KCNAB2: variants seen among roughly 807,000 people sequenced by gnomAD.
KCNAB2 encodes potassium voltage-gated channel subfamily A regulatory beta subunit 2.
A neutral mutation model predicts 63.6 loss-of-function variants in KCNAB2; 29 were observed. That is an observed-to-expected ratio of 0.46 (90% CI 0.34 to 0.62). The LOEUF (loss-of-function observed/expected upper bound fraction) is 0.62. KCNAB2 is among the 20% of genes least tolerant of loss of function. The pLI is 0.01. For synonymous variants in KCNAB2, 222 were observed against 224.2 expected, an observed-to-expected ratio of 0.99 and a Z score of 0.09; for missense variants, 359 against 563.9, an observed-to-expected ratio of 0.64 and a Z score of 3.68.
At chr1:6,079,842 A>G (rs1336349863) in intron 4 of KCNAB2, among the ~76,000 whole-genome samples, 2 of 152,214 alleles carry the variant, frequency 1.3e-5, no homozygotes, top group Non-Finnish European at 2.9e-5. Flanking sequence ...ACTATGCTTG[A>G]AAAAGGTTAA....
rs1055821121 is a variant in KCNAB2 at position 6,074,556 on chromosome 1, G to A, written c.300+786G>A. On this transcript the variant is annotated intron_variant, in intron 4 of 15. Transcript: ENST00000378083. This position sits in a 1 kb window ranked among gnomAD's most constrained non-coding sequence, Gnocchi z 4.9. ...AGGTTGCGTTTAAAAATTGATCAGC[G>A]AATTGATGTGAGACCTTGTTAGCTG... 6.6e-6 allele frequency among the ~76,000 whole-genome samples: 1 copy of A among 152,234 alleles called. No individual in the cohort carries two copies. The highest frequency in any genetic ancestry group is 1.5e-5 in the Non-Finnish European group (1 of 68,042).
rs772605518 is a variant in KCNAB2 at position 6,078,403 on chromosome 1, T to C, written c.301-3792T>C. 5.3e-5 allele frequency among the ~76,000 whole-genome samples: 8 copies of C among 151,714 alleles called. No individual in the cohort carries two copies. Among genetic ancestry groups the C allele is most frequent in the Non-Finnish European group, 1.2e-4 (8 of 67,978 alleles). Reference sequence around the variant, plus strand: ...ACGTGATACCTTTGGAGAACCATTATTTAGTTGACTGCAGAGAAGAAAGTA... The same window carrying C: ...ACGTGATACCTTTGGAGAACCATTACTTAGTTGACTGCAGAGAAGAAAGTA... On this transcript the variant is annotated intron_variant, in intron 4 of 15. Coordinates refer to ENST00000378083, the MANE Select transcript of KCNAB2 (RefSeq NM_001199862.2). This position sits in a 1 kb window ranked among gnomAD's most constrained non-coding sequence, Gnocchi z 4.2.
At chr1:6,056,392 G>T (rs1661828542) in intron 2 of KCNAB2, among the ~76,000 whole-genome samples, 1 of 152,194 alleles carries the variant, frequency 6.6e-6, no homozygotes, top group Non-Finnish European at 1.5e-5. Flanking sequence ...CTGTTAAAAA[G>T]AATTTTAAGA....
chr1:6,064,232 C>T (rs1319280380), intron 2 of KCNAB2, among the ~76,000 whole-genome samples: 1 of 152,240 alleles, frequency 6.6e-6, no homozygotes, highest in Non-Finnish European at 1.5e-5. Flanking sequence ...CTCAGAGCCA[C>T]TGATTCCGTA....
intron 1 of KCNAB2, chr1:6,040,419 C>T (rs1489851751): frequency 4.4e-6 from 3 of 678,736 alleles, no homozygotes; most frequent in South Asian, 3.5e-5. Context: ...CCCAGACAGC[C>T]TCCTCAGCCT....
intron 2 of KCNAB2, among the ~76,000 whole-genome samples, chr1:6,060,041 C>A (rs1662176142): frequency 6.6e-6 from 1 of 152,200 alleles, no homozygotes; most frequent in Admixed American, 6.5e-5. Context: ...TCCCACTGTC[C>A]CTCCGTGTCA....
chr1:6,051,719 C>T lies in KCNAB2; in HGVS notation c.183C>T (p.Asp61=), dbSNP rs1217388977. Residue 61 remains aspartate, a synonymous_variant, in exon 2 of 16, where the codon GAC becomes GAT. Coordinates refer to ENST00000378083, the MANE Select transcript of KCNAB2 (RefSeq NM_001199862.2). ...SFLRMHGLSL[D]GCTAQRTGMK... ...TCCGCATGCACGGCCTTTCCCTGGA[C>T]GGCTGCACCGCCCAGCGCACAGGCA... The T allele has an allele frequency of 2.4e-5, 37 of 1,533,504 alleles. No homozygotes were observed. The highest frequency in any genetic ancestry group is 7.8e-5 in the Admixed American group (4 of 50,976). The allele number at this position is 1,533,504 out of a possible 1,614,324, so 95.0% of individuals were successfully genotyped here.
At chr1:6,052,818 C>T (rs926190656) in intron 2 of KCNAB2, among the ~76,000 whole-genome samples, 1 of 151,630 alleles carries the variant, frequency 6.6e-6, no homozygotes, top group South Asian at 2.1e-4. Context: ...AGCATAAATA[C>T]GTTCCATGCA....
At chr1:6,022,537 G>A (rs537057082) in intron 1 of KCNAB2, among the ~76,000 whole-genome samples, 38 of 152,166 alleles carry the variant, frequency 2.5e-4, no homozygotes, top group Admixed American at 2.0e-3. Context: ...ACAGTTCAGC[G>A]GTATTAAGTA....
At chr1:6,053,629 G>A (rs544526251) in intron 2 of KCNAB2, among the ~76,000 whole-genome samples, 7 of 152,280 alleles carry the variant, frequency 4.6e-5, no homozygotes, top group African/African-American at 1.4e-4. Flanking sequence ...GAGGGAGGAA[G>A]GTGGAGGACA....
chr1:6,041,981 A>T, upstream of KCNAB2: 2 of 984,096 alleles, frequency 2.0e-6, no homozygotes, highest in South Asian at 2.6e-5. Context: ...TCTGAAGCCA[A>T]AGCCCCCGAG....
At chr1:6,062,559 AT>A (rs1161258458) in intron 2 of KCNAB2, among the ~76,000 whole-genome samples, 1 of 152,222 alleles carries the variant, frequency 6.6e-6, no homozygotes, top group African/African-American at 2.4e-5. Context: ...AGATGACCAC[AT>A]GCAAACTGCT....
chr1:6,092,549 G>T (rs1033606948), intron 10 of KCNAB2, among the ~76,000 whole-genome samples: 1 of 152,260 alleles, frequency 6.6e-6, no homozygotes, highest in African/African-American at 2.4e-5. Context: ...GAAGAATCGG[G>T]AACTGATGCT....
intron 1 of KCNAB2, among the ~76,000 whole-genome samples, chr1:6,011,808 G>C (rs1360789992): frequency 6.6e-6 from 1 of 152,224 alleles, no homozygotes; most frequent in Non-Finnish European, 1.5e-5. Context: ...AGGGCAGGGG[G>C]GTGGGCTGAA....
At chr1:6,045,871 C>T, upstream of KCNAB2, 1 of 985,248 alleles carries the variant, frequency 1.0e-6, no homozygotes, top group East Asian at 1.1e-4. The surrounding 1 kb of genome is among the most constrained non-coding windows in gnomAD (Gnocchi z 4.8). Flanking sequence ...GGCTGCACCC[C>T]AACCCCACGC....
At chr1:6,093,854 A>G (rs1188441699) in intron 10 of KCNAB2, among the ~76,000 whole-genome samples, 1 of 152,188 alleles carries the variant, frequency 6.6e-6, no homozygotes, top group Non-Finnish European at 1.5e-5. Context: ...CTCCGGGACC[A>G]TATGGCGCCC....
intron 5 of KCNAB2, among the ~76,000 whole-genome samples, 187 bp downstream of exon 5, chr1:6,082,461 G>A (rs1413256891): frequency 2.0e-5 from 3 of 152,194 alleles, no homozygotes; most frequent in Non-Finnish European, 4.4e-5. Flanking sequence ...AGAACACTTG[G>A]ACACTGATCA....
chr1:6,046,544 A>C (rs1474867134), intron 1 of KCNAB2, among the ~76,000 whole-genome samples: 3 of 152,142 alleles, frequency 2.0e-5, no homozygotes, highest in Non-Finnish European at 4.4e-5. Flanking sequence ...AGCATTTTCC[A>C]GTTTTGCCCA....
rs200136002 is a variant in KCNAB2, at chr1:6,098,607, G to C, written c.*33G>C. On this transcript the variant is annotated 3_prime_UTR_variant, in exon 16 of 16. Coordinates refer to ENST00000378083, the MANE Select transcript of KCNAB2 (RefSeq NM_001199862.2). The stretch of plus-strand genomic sequence containing the variant: ...CCGCCCGCCTGCTCGGACAGTTTCC[G>C]TTCCCTCCTAGTCTCTGTTCGCTCG... 6.2e-7 allele frequency: 1 copy of C among 1,608,294 alleles called. No individual in the cohort carries two copies. Among genetic ancestry groups the C allele is most frequent in the Non-Finnish European group, 8.5e-7 (1 of 1,176,916 alleles).
Sources: allele counts gnomAD v4.1 joint callset (sites outside exome capture counted in the v4.1 genomes callset), GRCh38; gene constraint gnomAD v4.1.1; non-coding constraint Gnocchi (gnomAD v3.1); transcripts MANE v1.5; gene names NCBI Gene and HGNC (gene_info 2026-07-23, HGNC 2026-07-21).